Variants in NEK11 observed in about 807,000 individuals in gnomAD.
NEK11 encodes the protein serine/threonine-protein kinase Nek11.
Under a neutral mutation model 80.7 loss-of-function variants are expected in NEK11, and 72 were observed. That is an observed-to-expected ratio of 0.89 (90% CI 0.74 to 1.08). The LOEUF is 1.08. Ranked by LOEUF, NEK11 falls within the 50% of genes least tolerant of loss-of-function variation. The pLI is 0.00. For synonymous variants in NEK11, 251 were observed against 260.7 expected (o/e 0.96, Z 0.36); for missense variants, 764 against 763.6 (o/e 1.00, Z -0.01).
chr3:131,249,094 C>CA (rs543388039), intron 16 of NEK11, among the ~76,000 whole-genome samples: 14 of 144,994 alleles, frequency 9.7e-5, no homozygotes, highest in African/African-American at 3.5e-4. Flanking sequence ...ACTAACATGA[C>CA]AAAAAAGGAA....
intron 15 of NEK11, among the ~76,000 whole-genome samples, chr3:131,239,000 T>C (rs891251065): frequency 1.3e-5 from 2 of 152,080 alleles, no homozygotes; most frequent in Non-Finnish European, 2.9e-5. Context: ...TTCATGTAGA[T>C]AGATGAGCTC....
chr3:131,087,595 C>T (rs958150691), intron 4 of NEK11, among the ~76,000 whole-genome samples: 3 of 152,178 alleles, frequency 2.0e-5, no homozygotes, highest in South Asian at 4.2e-4. Context: ...AAGTACTTTC[C>T]GAACTGATTG....
intron 17 of NEK11, among the ~76,000 whole-genome samples, chr3:131,313,874 G>A (rs1463697108): frequency 6.6e-6 from 1 of 152,126 alleles, no homozygotes; most frequent in Non-Finnish European, 1.5e-5. Context: ...TCAACATTGT[G>A]CGTTTTCCTA....
chr3:131,319,200 G>A (rs2096873801), intron 17 of NEK11, among the ~76,000 whole-genome samples: 1 of 152,012 alleles, frequency 6.6e-6, no homozygotes. Flanking sequence ...ACTCCACAAA[G>A]ATTTTTAATA....
chr3:131,179,391 T>G (rs1182983334), intron 14 of NEK11, among the ~76,000 whole-genome samples: 1 of 152,186 alleles, frequency 6.6e-6, no homozygotes, highest in Non-Finnish European at 1.5e-5. Flanking sequence ...CAAGGAGAGC[T>G]TTATCTGAAA....
At position 131,228,664 on chromosome 3, in the gene NEK11, G is replaced by A; in HGVS notation, c.1536G>A (p.Gln512=). The A allele has an allele frequency of 1.2e-6, 2 of 1,613,270 alleles. No individual in the cohort carries two copies. The highest frequency in any genetic ancestry group is 1.7e-6 in the Non-Finnish European group (2 of 1,179,508). The change falls in exon 15 of 18, where the codon CAG becomes CAA. Residue 512 remains glutamine (Q), a synonymous_variant. Coordinates refer to ENST00000383366, the MANE Select transcript of NEK11 (RefSeq NM_024800.5). ...AAGAAATCAGGAATGAGGGATCCCA[G>A]CCTGCTTACAGAACAAACCAACAGG... ...PEKEIRNEGS[Q]PAYRTNQQDS...
intron 17 of NEK11, among the ~76,000 whole-genome samples, chr3:131,297,985 G>A (rs1469535862): frequency 5.3e-5 from 8 of 151,544 alleles, no homozygotes; most frequent in South Asian, 2.1e-4. Flanking sequence ...GATATGCGGC[G>A]TTATTTCTGA....
chr3:131,059,348 T>C (rs1306922791), intron 3 of NEK11, among the ~76,000 whole-genome samples: 1 of 152,210 alleles, frequency 6.6e-6, no homozygotes, highest in Non-Finnish European at 1.5e-5. Context: ...CTCAATAAAG[T>C]TGTTATAAAG....
intron 14 of NEK11, among the ~76,000 whole-genome samples, chr3:131,187,897 G>T (rs1223283734): frequency 6.6e-6 from 1 of 152,122 alleles, no homozygotes; most frequent in East Asian, 1.9e-4. Context: ...AAAACCAGTT[G>T]ATCATGTTAA....
At chr3:131,130,812 A>G (rs925810288) in intron 5 of NEK11, among the ~76,000 whole-genome samples, 4 of 152,024 alleles carry the variant, frequency 2.6e-5, no homozygotes, top group African/African-American at 9.7e-5. Flanking sequence ...ATATATATGT[A>G]TATTTTTTGG....
chr3:131,136,597 T>A (rs2085615614), intron 7 of NEK11, among the ~76,000 whole-genome samples: 1 of 152,244 alleles, frequency 6.6e-6, no homozygotes, highest in East Asian at 1.9e-4. Flanking sequence ...CTGTAATGTT[T>A]GCCCATATGT....
intron 15 of NEK11, among the ~76,000 whole-genome samples, chr3:131,242,608 G>C (rs1359792002): frequency 6.6e-6 from 1 of 152,098 alleles, no homozygotes; most frequent in Non-Finnish European, 1.5e-5. Context: ...AGTCAAGTCG[G>C]GGTTTGACCA....
At chr3:131,270,420 C>G (rs2096159418) in intron 16 of NEK11, among the ~76,000 whole-genome samples, 1 of 152,172 alleles carries the variant, frequency 6.6e-6, no homozygotes, top group East Asian at 1.9e-4. Flanking sequence ...TGCATTTTAA[C>G]AAGATCCCTG....
chr3:131,044,405 A>C, intron 3 of NEK11, among the ~76,000 whole-genome samples: 1 of 133,010 alleles, frequency 7.5e-6, no homozygotes, highest in Non-Finnish European at 1.6e-5. Flanking sequence ...AGGACTATTT[A>C]CCAAGCAAAT....
intron 17 of NEK11, among the ~76,000 whole-genome samples, chr3:131,308,262 A>T (rs574851930): frequency 6.6e-6 from 1 of 152,314 alleles, no homozygotes; most frequent in South Asian, 2.1e-4. Flanking sequence ...AGTCTTTAGT[A>T]AGGGGTTCTG....
At chr3:131,076,053 G>C (rs903285457) in intron 3 of NEK11, among the ~76,000 whole-genome samples, 3 of 152,148 alleles carry the variant, frequency 2.0e-5, no homozygotes, top group Non-Finnish European at 4.4e-5. Context: ...TCAAAGTGTC[G>C]GGTGGATGCA....
At chr3:131,230,173 T>A (rs2095302755) in intron 15 of NEK11, among the ~76,000 whole-genome samples, 1 of 152,122 alleles carries the variant, frequency 6.6e-6, no homozygotes, top group Non-Finnish European at 1.5e-5. Flanking sequence ...CTTAGAAATG[T>A]TTTTTAAGAA....
Position 131,228,543 on chromosome 3 carries a change from C to A in NEK11, c.1415C>A (p.Pro472Gln). Reference protein sequence around the residue: ...DLGYHEIPEDPLVAEEYYADA... With the variant: ...DLGYHEIPEDQLVAEEYYADA... ...ATTATTTCAGAGATCCCAGAAGACC[C>A]ACTTGTGGCTGAAGAGTACTACGCT... is the stretch of plus-strand genomic sequence containing the variant. The change falls in exon 15 of 18, where the codon CCA becomes CAA. Residue 472 changes from proline to glutamine, a missense_variant. Physicochemically the swap from Pro to Gln is moderately conservative, Grantham distance 76. Transcript: ENST00000383366. 6.2e-7 allele frequency: 1 copy of A among 1,607,156 alleles called. No homozygotes were observed. The highest frequency in any genetic ancestry group is 8.5e-7 in the Non-Finnish European group (1 of 1,176,700).
At chr3:131,057,497 C>A (rs1469983297) in intron 3 of NEK11, among the ~76,000 whole-genome samples, 7 of 150,638 alleles carry the variant, frequency 4.6e-5, no homozygotes, top group African/African-American at 1.7e-4. Flanking sequence ...AGTTTACAGT[C>A]CCACCAACAG....
Sources: allele counts gnomAD v4.1 joint callset (sites outside exome capture counted in the v4.1 genomes callset), GRCh38; gene constraint gnomAD v4.1.1; transcripts MANE v1.5; gene names NCBI Gene and HGNC (gene_info 2026-07-23, HGNC 2026-07-21).